Variants in COBL observed in about 807,000 individuals in gnomAD.
COBL encodes the protein cordon-bleu WH2 repeat protein.
Under a neutral mutation model 98.8 loss-of-function variants are expected in COBL, and 51 were observed. The observed-to-expected ratio is 0.52, with a 90% CI of 0.41 to 0.65. The LOEUF is 0.65. COBL is among the 30% of genes least tolerant of loss of function. The pLI is 0.00. For synonymous variants in COBL, 634 were observed against 651.7 expected (o/e 0.97, Z 0.41); for missense variants, 1,617 against 1,617.5 (o/e 1.00, Z 0.01).
In COBL at chr7:51,316,706, G is replaced by A. The variant is rs1167409816; in HGVS notation, c.-73C>T. The A allele has an allele frequency of 9.2e-7, 1 of 1,092,036 alleles. No homozygotes were observed. Among genetic ancestry groups the A allele is most frequent in the African/African-American group, 1.6e-5 (1 of 60,718 alleles). The allele number at this position is 1,092,036 out of a possible 1,614,324, so 67.6% of individuals were successfully genotyped here. The stretch of plus-strand genomic sequence containing the variant: ...GGCGCTGGCTACCGCCGCCACCGCT[G>A]CCGCCCTCATTCACTTTTTCCGCGC... On this transcript the variant is annotated 5_prime_UTR_variant, in exon 1 of 13. Coordinates refer to ENST00000265136, the MANE Select transcript of COBL (RefSeq NM_015198.5).
At chr7:51,270,610 T>C (rs1199602257) in intron 1 of COBL, among the ~76,000 whole-genome samples, 1 of 152,182 alleles carries the variant, frequency 6.6e-6, no homozygotes, top group East Asian at 1.9e-4. Flanking sequence ...ATAAATTTAA[T>C]CACCATCATC....
intron 7 of COBL, chr7:51,083,287 G>T: frequency 7.4e-7 from 1 of 1,343,894 alleles, no homozygotes; most frequent in Non-Finnish European, 9.8e-7. Context: ...CACTCACTAG[G>T]CACCAAATCC....
chr7:51,165,108 C>T (rs1041180792), intron 5 of COBL, among the ~76,000 whole-genome samples: 11 of 151,820 alleles, frequency 7.2e-5, no homozygotes, highest in Admixed American at 3.3e-4. Context: ...AACAAAATAA[C>T]AGGATTGAGT....
intron 1 of COBL, among the ~76,000 whole-genome samples, chr7:51,228,200 T>G (rs183374169): frequency 2.1e-4 from 32 of 152,044 alleles, no homozygotes; most frequent in Admixed American, 8.5e-4. Context: ...CCAGATAAGC[T>G]CCTGTAATCT....
At chr7:51,137,661 C>T (rs1799367358) in intron 5 of COBL, among the ~76,000 whole-genome samples, 1 of 151,924 alleles carries the variant, frequency 6.6e-6, no homozygotes. Context: ...ATTACACTTG[C>T]TTGTTTGTAT....
At chr7:51,216,239 G>A (rs951519139) in intron 2 of COBL, among the ~76,000 whole-genome samples, 2 of 152,150 alleles carry the variant, frequency 1.3e-5, no homozygotes, top group Admixed American at 6.5e-5. Context: ...GGAGTGCACA[G>A]GCACAATCTC....
intron 5 of COBL, among the ~76,000 whole-genome samples, chr7:51,180,026 C>A (rs572111366): frequency 2.1e-4 from 32 of 152,302 alleles, no homozygotes; most frequent in African/African-American, 7.0e-4. Flanking sequence ...CAAACTGAGA[C>A]ATTTATCTTT....
chr7:51,260,243 T>C (rs1479017490), intron 1 of COBL: 2 of 541,442 alleles, frequency 3.7e-6, no homozygotes, highest in African/African-American at 3.8e-5. Context: ...ATCAAGACCA[T>C]ATACTATTTT....
At chr7:51,233,271 C>T (rs930466273) in intron 1 of COBL, among the ~76,000 whole-genome samples, 2 of 152,124 alleles carry the variant, frequency 1.3e-5, no homozygotes, top group African/African-American at 2.4e-5. Context: ...ATGGCAAAAC[C>T]GACAGTTTTC....
At chr7:51,208,214 T>G (rs1002619324) in intron 2 of COBL, among the ~76,000 whole-genome samples, 6 of 140,806 alleles carry the variant, frequency 4.3e-5, no homozygotes, top group African/African-American at 1.6e-4. Flanking sequence ...GTCTGAGAAG[T>G]GAGGAGCCCC....
rs374383043 is a variant in COBL at position 51,294,185 on chromosome 7, G to A, written c.41+22408C>T. Among the ~76,000 whole-genome samples the A allele has an allele frequency of 3.2e-4, 48 of 151,818 alleles. No individual in the cohort carries two copies. The East Asian group carries it at 4.1e-3, about 13-fold the overall frequency. Reference sequence around the variant, plus strand: ...ACATGCCTGTAGTCCCAGCTACTCAGGAGGCTGAGGCAGGAGAATCACTTG... The same window carrying A: ...ACATGCCTGTAGTCCCAGCTACTCAAGAGGCTGAGGCAGGAGAATCACTTG... On this transcript the variant is annotated intron_variant, in intron 1 of 12. Transcript: ENST00000265136.
chr7:51,094,264 G>A (rs1352388956), intron 6 of COBL, among the ~76,000 whole-genome samples: 1 of 151,886 alleles, frequency 6.6e-6, no homozygotes, highest in Non-Finnish European at 1.5e-5. Flanking sequence ...TTGGTTAAAG[G>A]GTGCCAAGTT....
chr7:51,028,947 T>C lies in COBL; in HGVS notation c.2149A>G (p.Met717Val). 2.5e-6 allele frequency: 4 copies of C among 1,614,192 alleles called. No homozygotes were observed. The highest frequency in any genetic ancestry group is 3.4e-6 in the Non-Finnish European group (4 of 1,180,024). The change falls in exon 10 of 13, where the codon ATG (methionine) becomes GTG (valine). Residue 717 changes from methionine (M) to valine (V), a missense_variant. This residue lies in a region of COBL where 1,304 missense variants were observed against 1,282.0 expected (regional missense o/e 1.02). Transcript: ENST00000265136. ...TYKIIPPKSE[M>V]RCYDRDVSLS... Reference sequence around the variant, plus strand: ...GACACATCTCTGTCGTAACATCGCATCTCTGACTTTGGAGGAATGATTTTA... The same window carrying C: ...GACACATCTCTGTCGTAACATCGCACCTCTGACTTTGGAGGAATGATTTTA...
intron 6 of COBL, among the ~76,000 whole-genome samples, chr7:51,112,910 C>T: frequency 6.6e-6 from 1 of 152,170 alleles, no homozygotes; most frequent in Non-Finnish European, 1.5e-5. Context: ...CATCTTCTTC[C>T]CATATGTGGC....
chr7:51,076,431 T>C (rs1037090188), intron 7 of COBL, among the ~76,000 whole-genome samples: 2 of 152,160 alleles, frequency 1.3e-5, no homozygotes, highest in African/African-American at 2.4e-5. Context: ...TCCCCAAGTG[T>C]AGAGATAGGA....
intron 6 of COBL, among the ~76,000 whole-genome samples, chr7:51,104,862 T>C (rs1796115610): frequency 6.6e-6 from 1 of 152,172 alleles, no homozygotes; most frequent in Admixed American, 6.5e-5. Flanking sequence ...TTTCAAGGCA[T>C]GATAAATCTA....
chr7:51,147,339 T>C (rs757537733), intron 5 of COBL, among the ~76,000 whole-genome samples: 7 of 152,232 alleles, frequency 4.6e-5, no homozygotes, highest in Non-Finnish European at 1.0e-4. Flanking sequence ...GAAATAGCAC[T>C]TGAACATAAA....
chr7:51,269,211 G>A (rs916940011), intron 1 of COBL, among the ~76,000 whole-genome samples: 4 of 152,160 alleles, frequency 2.6e-5, no homozygotes, highest in African/African-American at 7.2e-5. Flanking sequence ...AAGGAAGGAC[G>A]GGTACAAAAG....
chr7:51,305,362 A>C (rs1310679904), intron 1 of COBL, among the ~76,000 whole-genome samples: 1 of 152,240 alleles, frequency 6.6e-6, no homozygotes, highest in Non-Finnish European at 1.5e-5. Context: ...TTTTTAACTC[A>C]GAAAATGAAA....
Sources: gnomAD v4.1 joint callset for allele counts (sites outside exome capture counted in the v4.1 genomes callset) on GRCh38, gnomAD v4.1.1 for gene constraint, gnomAD v4.1.1 regional missense constraint, MANE v1.5 for transcripts, NCBI Gene and HGNC (gene_info 2026-07-23, HGNC 2026-07-21) for gene names.